The following ANKH variants were observed in gnomAD, a reference collection of about 807,000 sequenced individuals.
ANKH encodes the protein mineralization regulator ANKH.
In ANKH, 15 loss-of-function variants were observed where a neutral mutation model predicts 49.0. The ratio of observed to expected loss-of-function variants is 0.31; its 90% CI spans 0.20 to 0.47. The LOEUF is 0.47. Among genes scored for constraint, ANKH ranks in the 20% least tolerant of loss-of-function variants. The pLI is 1.00. For synonymous variants in ANKH, 273 were observed against 260.0 expected, an observed-to-expected ratio of 1.05 and a Z score of -0.48; for missense variants, 429 against 652.0, an observed-to-expected ratio of 0.66 and a Z score of 3.72.
Position 14,770,214 on chromosome 5 carries a change from T to C in ANKH, c.97-1023A>G, listed in dbSNP as rs540564317. Among the ~76,000 whole-genome samples the C allele has an allele frequency of 6.6e-6, 1 of 152,282 alleles. No individual in the cohort carries two copies. Among genetic ancestry groups the C allele is most frequent in the South Asian group, 2.1e-4 (1 of 4,820 alleles). On this transcript the variant is annotated intron_variant, in intron 1 of 11. Transcript: ENST00000284268. This position sits in a 1 kb window ranked among gnomAD's most constrained non-coding sequence, Gnocchi z 4.1. Reference sequence around the variant, plus strand: ...GCAGAAAGTACAGAGCATTCCCATATATCCTTTGCCCCCCACAAACACGGA... The same window carrying C: ...GCAGAAAGTACAGAGCATTCCCATACATCCTTTGCCCCCCACAAACACGGA...
intron 4 of ANKH, 76 bp downstream of exon 4, chr5:14,755,785 A>G: frequency 7.3e-7 from 1 of 1,371,304 alleles, no homozygotes; most frequent in Non-Finnish European, 1.0e-6. Flanking sequence ...CAGTGAATGA[A>G]TATAAATCAC....
At chr5:14,840,769 C>T (rs966017514) in intron 1 of ANKH, among the ~76,000 whole-genome samples, 8 of 152,336 alleles carry the variant, frequency 5.3e-5, no homozygotes, top group Admixed American at 5.2e-4. Flanking sequence ...GATGCCCAGG[C>T]ATTTACATGC....
chr5:14,793,425 G>A (rs976119779), intron 1 of ANKH, among the ~76,000 whole-genome samples: 3 of 152,116 alleles, frequency 2.0e-5, no homozygotes, highest in Non-Finnish European at 2.9e-5. Context: ...ATTCCCAGGA[G>A]CTGTGCCCAC....
At chr5:14,822,889 C>T (rs1174091483) in intron 1 of ANKH, among the ~76,000 whole-genome samples, 1 of 152,150 alleles carries the variant, frequency 6.6e-6, no homozygotes, top group African/African-American at 2.4e-5. Flanking sequence ...AAAAAATTAG[C>T]TGGGCGCAGT....
intron 6 of ANKH, among the ~76,000 whole-genome samples, chr5:14,747,057 G>T (rs993262364): frequency 3.9e-5 from 6 of 151,962 alleles, no homozygotes; most frequent in African/African-American, 1.5e-4. Flanking sequence ...CTCTCTGGAG[G>T]GTCTCTTCCT....
rs567715852 is a variant in ANKH, at chr5:14,807,521, C to G, written c.97-38330G>C. Among the ~76,000 whole-genome samples, 3 of 152,310 alleles carry G rather than the reference C, an allele frequency of 2.0e-5. No homozygotes were observed. The East Asian group carries it at 5.8e-4, about 29-fold the overall frequency. On this transcript the variant is annotated intron_variant, in intron 1 of 11. Coordinates refer to ENST00000284268, the MANE Select transcript of ANKH (RefSeq NM_054027.6). ...GTCTTCCTAGGTACCGATCCTTAACCTGAACTGCTGTGAGAACGGTAAACC... is the reference window on the plus strand; with the variant it reads ...GTCTTCCTAGGTACCGATCCTTAACGTGAACTGCTGTGAGAACGGTAAACC...
At chr5:14,732,020 C>T (rs140009768) in intron 8 of ANKH, among the ~76,000 whole-genome samples, 1 of 152,284 alleles carries the variant, frequency 6.6e-6, no homozygotes, top group East Asian at 1.9e-4. Context: ...TTTCTGTGGA[C>T]ACGCGGGTGT....
At chr5:14,762,166 A>T (rs1040146609) in intron 2 of ANKH, among the ~76,000 whole-genome samples, 8 of 152,222 alleles carry the variant, frequency 5.3e-5, no homozygotes, top group African/African-American at 1.9e-4. Flanking sequence ...TCCTGGCCCA[A>T]ATAAACTCTC....
In ANKH at chr5:14,797,375, C is replaced by T. The variant is rs373192767; in HGVS notation, c.97-28184G>A. ...CAATTTTACTTAAATCCTAGACATTCGGTCTGTGATCAGTACCACTGGAAG... is the reference window on the plus strand; with the variant it reads ...CAATTTTACTTAAATCCTAGACATTTGGTCTGTGATCAGTACCACTGGAAG... On this transcript the variant is annotated intron_variant, in intron 1 of 11. Transcript: ENST00000284268. 173 of 1,610,444 alleles carry T rather than the reference C, an allele frequency of 1.1e-4. 1 individual carries two copies. The East Asian group carries it at 2.6e-3, about 24-fold the overall frequency.
At chr5:14,711,456 T>C in intron 11 of ANKH, 146 bp from the exon 12 acceptor site, 1 of 692,484 alleles carries the variant, frequency 1.4e-6, no homozygotes, top group South Asian at 1.6e-5. Flanking sequence ...GTCACCTCTT[T>C]TGCATCTTAG....
At chr5:14,865,869 T>C (rs569579845) in intron 1 of ANKH, among the ~76,000 whole-genome samples, 1 of 152,192 alleles carries the variant, frequency 6.6e-6, no homozygotes, top group Non-Finnish European at 1.5e-5. Flanking sequence ...GTTTCCTAAA[T>C]AGAAAGGGCT....
In ANKH at chr5:14,737,971, A is replaced by C. The variant is rs1738240045; in HGVS notation, c.1011+3856T>G. ...TAAGCATGCCTAACCGCAGCTCTGA[A>C]GGACTGAAAGCAAGATGCTAACGGA... On this transcript the variant is annotated intron_variant, in intron 8 of 11. Coordinates refer to ENST00000284268, the MANE Select transcript of ANKH (RefSeq NM_054027.6). This position sits in a 1 kb window ranked among gnomAD's most constrained non-coding sequence, Gnocchi z 5.0. Among the ~76,000 whole-genome samples the C allele has an allele frequency of 6.6e-6, 1 of 152,204 alleles. No individual in the cohort carries two copies. Among genetic ancestry groups the C allele is most frequent in the African/African-American group, 2.4e-5 (1 of 41,452 alleles).
chr5:14,836,399 T>C (rs1405568653), intron 1 of ANKH, among the ~76,000 whole-genome samples: 1 of 152,252 alleles, frequency 6.6e-6, no homozygotes, highest in African/African-American at 2.4e-5. Flanking sequence ...CTGCTTAAGC[T>C]GATAAGCAAC....
At chr5:14,712,827 C>T (rs756993699) in intron 11 of ANKH, 47 bp downstream of exon 11, 10 of 1,528,862 alleles carry the variant, frequency 6.5e-6, no homozygotes, top group South Asian at 3.6e-5. Flanking sequence ...TTCTCCTGCA[C>T]CCAGGAGGAT....
At chr5:14,793,007 AATATATATATATAAAT>A (rs1187418531) in intron 1 of ANKH, among the ~76,000 whole-genome samples, 1 of 79,722 alleles carries the variant, frequency 1.3e-5, no homozygotes, top group Non-Finnish European at 2.3e-5. Context: ...TATATATATA[AATATATATATATAAAT>A]ATATATATAT....
At chr5:14,868,536 A>AT (rs1413142650) in intron 1 of ANKH, 1 of 151,186 alleles carries the variant, frequency 6.6e-6, no homozygotes, top group Non-Finnish European at 1.5e-5. Flanking sequence ...AGTAGCTAGG[A>AT]TTACAGGCAT....
chr5:14,789,455 TAA>T (rs35825962), intron 1 of ANKH, among the ~76,000 whole-genome samples: 86 of 128,060 alleles, frequency 6.7e-4, no homozygotes, highest in Admixed American at 7.9e-4. Context: ...ATGGTGGTGA[TAA>T]AAAAAAAAAA....
At chr5:14,807,698 A>G (rs185670252) in intron 1 of ANKH, among the ~76,000 whole-genome samples, 4 of 152,312 alleles carry the variant, frequency 2.6e-5, no homozygotes, top group Admixed American at 2.0e-4. Flanking sequence ...GAGTGATTTG[A>G]GGAGATGTGT....
chr5:14,764,170 T>C (rs1460699890), intron 2 of ANKH, among the ~76,000 whole-genome samples: 1 of 152,194 alleles, frequency 6.6e-6, no homozygotes, highest in Admixed American at 6.5e-5. Flanking sequence ...ATATCCCCAC[T>C]CTTTGTCACA....
Sources: gnomAD v4.1 joint callset for allele counts (sites outside exome capture counted in the v4.1 genomes callset) on GRCh38, gnomAD v4.1.1 for gene constraint, Gnocchi (gnomAD v3.1) non-coding constraint, MANE v1.5 for transcripts, NCBI Gene and HGNC (gene_info 2026-07-23, HGNC 2026-07-21) for gene names.